SMYD3: variants seen among roughly 807,000 people sequenced by gnomAD.
SMYD3 encodes SET and MYND domain containing 3.
In SMYD3, 36 loss-of-function variants were observed where a neutral mutation model predicts 57.7. That is an observed-to-expected ratio of 0.62 (90% CI 0.48 to 0.82). The LOEUF (loss-of-function observed/expected upper bound fraction) is 0.82. Among genes scored for constraint, SMYD3 ranks in the 40% least tolerant of loss-of-function variants. SMYD3 has a pLI of 0.00. For synonymous variants in SMYD3, 211 were observed against 195.0 expected, an observed-to-expected ratio of 1.08 and a Z score of -0.68; for missense variants, 515 against 538.8, an observed-to-expected ratio of 0.96 and a Z score of 0.44.
At chr1:246,263,459 C>T (rs1464315239) in intron 5 of SMYD3, among the ~76,000 whole-genome samples, 1 of 152,152 alleles carries the variant, frequency 6.6e-6, no homozygotes, top group Non-Finnish European at 1.5e-5. Context: ...TGAGGTGGAG[C>T]AGACTACATA....
chr1:246,454,258 G>A (rs1193535513), intron 1 of SMYD3, among the ~76,000 whole-genome samples: 35 of 152,106 alleles, frequency 2.3e-4, no homozygotes, highest in Non-Finnish European at 5.9e-5. Flanking sequence ...TAATCAGTCA[G>A]TCAGTCAAGC....
At chr1:246,125,804 G>A (rs2061500479) in intron 5 of SMYD3, among the ~76,000 whole-genome samples, 1 of 152,056 alleles carries the variant, frequency 6.6e-6, no homozygotes, top group African/African-American at 2.4e-5. Context: ...ATGAACCTTA[G>A]ATAACGACAG....
intron 5 of SMYD3, among the ~76,000 whole-genome samples, chr1:246,062,906 C>T (rs955033075): frequency 1.3e-5 from 2 of 152,104 alleles, no homozygotes; most frequent in African/African-American, 4.8e-5. Flanking sequence ...CAAAATAACC[C>T]TAGTAAAGCA....
At chr1:246,391,309 G>C (rs536151510) in intron 1 of SMYD3, among the ~76,000 whole-genome samples, 1 of 151,216 alleles carries the variant, frequency 6.6e-6, no homozygotes, top group East Asian at 1.9e-4. Context: ...GAGCCCAGGA[G>C]ATAAAGGCTA....
chr1:246,321,311 A>T (rs1441870256), intron 5 of SMYD3, among the ~76,000 whole-genome samples: 1 of 152,238 alleles, frequency 6.6e-6, no homozygotes, highest in Non-Finnish European at 1.5e-5. Context: ...TGGGAGCAAC[A>T]GTAGTAGAAA....
intron 1 of SMYD3, among the ~76,000 whole-genome samples, chr1:246,500,328 A>T (rs974498561): frequency 6.6e-6 from 1 of 152,208 alleles, no homozygotes; most frequent in African/African-American, 2.4e-5. Flanking sequence ...CGGCAAACAT[A>T]AACAGTCAAA....
chr1:246,413,505 C>T (rs1379716646), intron 1 of SMYD3, among the ~76,000 whole-genome samples: 1 of 152,098 alleles, frequency 6.6e-6, no homozygotes, highest in Non-Finnish European at 1.5e-5. Flanking sequence ...GAATATACGT[C>T]CCCACCAAAT....
chr1:246,267,960 G>A (rs2064142748), intron 5 of SMYD3, among the ~76,000 whole-genome samples: 1 of 152,108 alleles, frequency 6.6e-6, no homozygotes, highest in South Asian at 2.1e-4. Context: ...GAGAGGACAG[G>A]CCTCACACAT....
At position 245,904,739 on chromosome 1, in the gene SMYD3, G is replaced by A. The variant is rs200401916; in HGVS notation, c.813+10791C>T. On this transcript the variant is annotated intron_variant, in intron 8 of 11. Coordinates refer to ENST00000490107, the MANE Select transcript of SMYD3 (RefSeq NM_001167740.2). ...GAGACAGTGGACTTAGGGGGCATGC[G>A]ACATACTGAGGCACCAGCTGGGACA... Among the ~76,000 whole-genome samples, 65 of 152,138 alleles carry A rather than the reference G, an allele frequency of 4.3e-4. 1 individual carries two copies. The East Asian group carries it at 1.0e-2, about 23-fold the overall frequency.
intron 7 of SMYD3, among the ~76,000 whole-genome samples, chr1:245,921,849 G>A (rs2055986888): frequency 6.6e-6 from 1 of 152,076 alleles, no homozygotes; most frequent in African/African-American, 2.4e-5. Flanking sequence ...TAGAGAGGGA[G>A]GTAGGGCAAG....
At chr1:245,776,354 A>C (rs2046593002) in intron 10 of SMYD3, among the ~76,000 whole-genome samples, 1 of 152,174 alleles carries the variant, frequency 6.6e-6, no homozygotes, top group Non-Finnish European at 1.5e-5. Context: ...GTAAGAAAGG[A>C]GCATTGTCGT....
chr1:245,799,772 C>T (rs998379071), intron 10 of SMYD3, among the ~76,000 whole-genome samples: 6 of 151,994 alleles, frequency 3.9e-5, no homozygotes, highest in South Asian at 2.1e-4. Context: ...CAGGATCTCC[C>T]GACCTCGGCA....
intron 5 of SMYD3, among the ~76,000 whole-genome samples, chr1:245,986,271 GAGA>G (rs981732372): frequency 1.6e-4 from 25 of 152,180 alleles, no homozygotes; most frequent in Middle Eastern, 3.2e-3. Flanking sequence ...AGATTTTCTG[GAGA>G]AGTTTTCTCA....
chr1:245,898,892 C>A (rs988630552), intron 8 of SMYD3, among the ~76,000 whole-genome samples: 1 of 152,268 alleles, frequency 6.6e-6, no homozygotes, highest in African/African-American at 2.4e-5. Context: ...CTGACCTGGG[C>A]AAGCCATGAG....
rs558903167 is a variant in SMYD3 at position 246,329,091 on chromosome 1, T to G, written c.394+1389A>C. 9.9e-3 allele frequency among the ~76,000 whole-genome samples: 1,502 copies of G among 152,326 alleles called. 32 individuals carry two copies. The highest frequency in any genetic ancestry group is 0.034 in the African/African-American group (1,398 of 41,560). On this transcript the variant is annotated intron_variant, in intron 4 of 11. Transcript: ENST00000490107. ...ATATTTTCTTAATCCAGTCTATCAT[T>G]GTTGGACATTTGGCTTGGTTCCAAG... is the stretch of plus-strand genomic sequence containing the variant.
At chr1:245,833,071 A>ACAC (rs1558400885) in intron 10 of SMYD3, among the ~76,000 whole-genome samples, 1 of 105,736 alleles carries the variant, frequency 9.5e-6, no homozygotes, top group Non-Finnish European at 2.5e-5. Flanking sequence ...AAAAAAAAAA[A>ACAC]AAAACCTGCT....
chr1:245,800,389 G>C (rs910704591), intron 10 of SMYD3, among the ~76,000 whole-genome samples: 5 of 151,992 alleles, frequency 3.3e-5, no homozygotes, highest in Non-Finnish European at 5.9e-5. Flanking sequence ...TCTCATGCTA[G>C]AGTGTAAACT....
chr1:246,278,757 C>T (rs964082675), intron 5 of SMYD3, among the ~76,000 whole-genome samples: 1 of 152,146 alleles, frequency 6.6e-6, no homozygotes, highest in Non-Finnish European at 1.5e-5. Context: ...ACCTGACCCA[C>T]AGAAACCATA....
chr1:245,954,660 G>A (rs146223856), intron 5 of SMYD3, among the ~76,000 whole-genome samples: 2 of 152,146 alleles, frequency 1.3e-5, no homozygotes, highest in Admixed American at 6.5e-5. Flanking sequence ...GTCCAGCCTT[G>A]GTGACACAGC....
Sources: gnomAD v4.1 joint callset for allele counts (sites outside exome capture counted in the v4.1 genomes callset) on GRCh38, gnomAD v4.1.1 for gene constraint, MANE v1.5 for transcripts, NCBI Gene and HGNC (gene_info 2026-07-23, HGNC 2026-07-21) for gene names.